HUNK: variants seen among roughly 807,000 people sequenced by gnomAD.
The protein encoded by HUNK is hormonally up-regulated neu tumor-associated kinase.
HUNK carries 21 observed loss-of-function variants against 61.0 expected under a neutral mutation model. The observed-to-expected ratio is 0.34, with a 90% CI of 0.24 to 0.50. The LOEUF (loss-of-function observed/expected upper bound fraction) is 0.50. Ranked by LOEUF, HUNK falls within the 20% of genes least tolerant of loss-of-function variation. The pLI is 0.98. For missense variants in HUNK, 772 were observed against 945.7 expected (o/e 0.82, Z 2.41); for synonymous variants, 371 against 386.1 (o/e 0.96, Z 0.46).
chr21:31,990,193 T>A lies in HUNK; in HGVS notation c.1305+17T>A. The A allele has an allele frequency of 6.2e-7, 1 of 1,609,874 alleles. No individual in the cohort carries two copies. Among genetic ancestry groups the A allele is most frequent in the Non-Finnish European group, 8.5e-7 (1 of 1,176,544 alleles). On this transcript the variant is annotated intron_variant, in intron 9 of 10. Transcript: ENST00000270112. ...GCCGTGCAGGTAAGAACTTGGGGGA[T>A]TATTATGTTAGTCAGGGTTCTCCAG...
Position 31,924,834 on chromosome 21 carries a change from G to A in HUNK, c.554+74G>A. On this transcript the variant is annotated intron_variant, in intron 2 of 10. Coordinates refer to ENST00000270112, the MANE Select transcript of HUNK (RefSeq NM_014586.2). This position sits in a 1 kb window ranked among gnomAD's most constrained non-coding sequence, Gnocchi z 5.1. ...GGCACTGGGCTGTGGCACCCTCTGA[G>A]CCTCTGAGAAAGGCTGAGCAATTGC... The A allele has an allele frequency of 7.7e-7, 1 of 1,290,960 alleles. No homozygotes were observed. Among genetic ancestry groups the A allele is most frequent in the Non-Finnish European group, 1.1e-6 (1 of 936,830 alleles). 80.0% of individuals were successfully genotyped at this position (1,290,960 alleles called of 1,614,324 possible). A position where few individuals can be genotyped will look rare whatever the true frequency, so the allele number is the denominator to read the frequency against.
intron 9 of HUNK, among the ~76,000 whole-genome samples, chr21:31,994,485 T>C (rs2053190389): frequency 6.6e-6 from 1 of 152,244 alleles, no homozygotes; most frequent in South Asian, 2.1e-4. Context: ...CGAGCTCTCT[T>C]GGTTTGCAAA....
rs1218358981 is a variant in HUNK, at chr21:31,947,246, A to G, written c.746+1075A>G. ...TGGCGCCTGCGCATTCCCACATCCC[A>G]GTCTCAAGCCAGTGGCGCCTGCGCA... On this transcript the variant is annotated intron_variant, in intron 4 of 10. Coordinates refer to ENST00000270112, the MANE Select transcript of HUNK (RefSeq NM_014586.2). 6.7e-3 allele frequency among the ~76,000 whole-genome samples: 975 copies of G among 144,484 alleles called. 8 individuals carry two copies. Among genetic ancestry groups the G allele is most frequent in the African/African-American group, 0.024 (917 of 37,470 alleles). The allele number at this position is 144,484 out of a possible 152,430, so 94.8% of individuals were successfully genotyped here.
chr21:31,881,635 GCAA>G (rs767186093), intron 1 of HUNK, among the ~76,000 whole-genome samples: 7 of 151,828 alleles, frequency 4.6e-5, no homozygotes, highest in African/African-American at 1.5e-4. Flanking sequence ...AACAGCAGCA[GCAA>G]CAACAACAAC....
Position 31,999,312 on chromosome 21 carries a change from A to G in HUNK, c.*128A>G. 8.2e-6 allele frequency: 7 copies of G among 856,048 alleles called. No homozygotes were observed. Among genetic ancestry groups the G allele is most frequent in the Non-Finnish European group, 1.1e-5 (6 of 554,260 alleles). 53.0% of individuals were successfully genotyped at this position (856,048 alleles called of 1,614,324 possible). On this transcript the variant is annotated 3_prime_UTR_variant, in exon 11 of 11. Transcript: ENST00000270112. ...CTTAGTCCCACCTGTAGCTGAATCC[A>G]CAGACCCAAAGCCTGCACAACCCAA...
rs78336575 is a variant in HUNK at position 31,943,392 on chromosome 21, A to G, written c.611-2644A>G. Among the ~76,000 whole-genome samples, 1,432 of 152,304 alleles carry G rather than the reference A, an allele frequency of 9.4e-3. 23 individuals carry two copies. The highest frequency in any genetic ancestry group is 0.033 in the African/African-American group (1,379 of 41,564). On this transcript the variant is annotated intron_variant, in intron 3 of 10. Coordinates refer to ENST00000270112, the MANE Select transcript of HUNK (RefSeq NM_014586.2). ...TCATTCTGTAGCTCTCAGAAAATTG[A>G]GTCGTCGTTGGTTGATATATTTACC... is the stretch of plus-strand genomic sequence containing the variant.
At position 31,999,176 on chromosome 21, in the gene HUNK, C is replaced by T. The variant is rs778884120; in HGVS notation, c.2137C>T (p.Gln713Ter). Residue 713 changes from glutamine to a stop codon, truncating the protein, a stop_gained, in exon 11 of 11, where the codon CAG becomes TAG. Coordinates refer to ENST00000270112, the MANE Select transcript of HUNK (RefSeq NM_014586.2). LOFTEE classifies it high-confidence loss of function. Reference protein sequence around the residue: ...AFDMADGVKTQC With the variant: ...AFDMADGVKT ...TGACATGGCCGATGGGGTCAAGACC[C>T]AGTGCTAACTTGGGCCAGCGGGGTT... is the stretch of plus-strand genomic sequence containing the variant. 80 of 1,601,668 alleles carry T rather than the reference C, an allele frequency of 5.0e-5. No individual in the cohort carries two copies. The highest frequency in any genetic ancestry group is 6.7e-5 in the Non-Finnish European group (79 of 1,174,042).
At chr21:31,925,185 G>C (rs1021748744) in intron 2 of HUNK, among the ~76,000 whole-genome samples, 5 of 152,188 alleles carry the variant, frequency 3.3e-5, no homozygotes, top group African/African-American at 1.2e-4. Context: ...AGGGTTAAAA[G>C]AGTAGAATCT....
intron 5 of HUNK, among the ~76,000 whole-genome samples, chr21:31,960,367 T>C (rs1470336305): frequency 6.9e-6 from 1 of 145,666 alleles, no homozygotes; most frequent in Non-Finnish European, 1.5e-5. Flanking sequence ...GACAAGGGGA[T>C]AGAGAGTAAA....
At chr21:31,936,748 T>G (rs1167554510) in intron 2 of HUNK, among the ~76,000 whole-genome samples, 8 of 152,184 alleles carry the variant, frequency 5.3e-5, no homozygotes, top group African/African-American at 1.4e-4. Flanking sequence ...TCTTTTGCAT[T>G]TTCTCTTATT....
intron 4 of HUNK, among the ~76,000 whole-genome samples, chr21:31,953,083 C>T (rs1334340527): frequency 1.3e-5 from 2 of 152,152 alleles, no homozygotes; most frequent in Admixed American, 6.5e-5. Flanking sequence ...CCTTGGTATC[C>T]TCACATACTT....
At chr21:31,980,438 G>A (rs1329632243) in intron 7 of HUNK, among the ~76,000 whole-genome samples, 22 of 149,004 alleles carry the variant, frequency 1.5e-4, no homozygotes, top group African/African-American at 5.2e-4. Flanking sequence ...GTGCAGTGGC[G>A]CGATCTTGGC....
At position 31,999,371 on chromosome 21, in the gene HUNK, G is replaced by A. The variant is rs932656988; in HGVS notation, c.*187G>A. 7.1e-6 allele frequency: 4 copies of A among 564,260 alleles called. No individual in the cohort carries two copies. The highest frequency in any genetic ancestry group is 2.9e-5 in the South Asian group (1 of 34,010). 35.0% of individuals were successfully genotyped at this position (564,260 alleles called of 1,614,324 possible). On this transcript the variant is annotated 3_prime_UTR_variant, in exon 11 of 11. Coordinates refer to ENST00000270112, the MANE Select transcript of HUNK (RefSeq NM_014586.2). ...AGGGACCCCCAGAGATGCTGGAATCGCTAGGAGGGTTGGCTCCAGGGGCAG... is the reference window on the plus strand; with the variant it reads ...AGGGACCCCCAGAGATGCTGGAATCACTAGGAGGGTTGGCTCCAGGGGCAG...
At chr21:31,922,933 G>A (rs181064001) in intron 1 of HUNK, among the ~76,000 whole-genome samples, 35 of 152,274 alleles carry the variant, frequency 2.3e-4, no homozygotes, top group African/African-American at 7.9e-4. Flanking sequence ...TCCTGCACCC[G>A]GAGGCTCCAT....
intron 4 of HUNK, among the ~76,000 whole-genome samples, chr21:31,947,322 G>A (rs8134591): frequency 0.024 from 1,236 of 52,214 alleles, 28 homozygotes; most frequent in African/African-American, 0.061. Flanking sequence ...CCCACATCCC[G>A]GTCTCAAGCC....
intron 1 of HUNK, among the ~76,000 whole-genome samples, chr21:31,922,121 AT>A (rs1162161511): frequency 1.3e-5 from 2 of 151,446 alleles, no homozygotes; most frequent in Admixed American, 1.3e-4. Flanking sequence ...GGTTCAAGCG[AT>A]TCTCCTGCCT....
intron 1 of HUNK, among the ~76,000 whole-genome samples, chr21:31,905,561 G>C (rs892083454): frequency 6.6e-6 from 1 of 152,182 alleles, no homozygotes; most frequent in Non-Finnish European, 1.5e-5. Flanking sequence ...CTCCCACTGA[G>C]CTCCCTGTTA....
intron 1 of HUNK, among the ~76,000 whole-genome samples, chr21:31,894,779 C>A (rs1024772613): frequency 3.3e-5 from 5 of 152,064 alleles, no homozygotes; most frequent in Non-Finnish European, 2.9e-5. Flanking sequence ...GGAAATATAC[C>A]CTTTGCTCTA....
chr21:31,976,330 A>G (rs1325414539), intron 7 of HUNK, among the ~76,000 whole-genome samples: 1 of 151,992 alleles, frequency 6.6e-6, no homozygotes, highest in Non-Finnish European at 1.5e-5. Context: ...TTATATGATG[A>G]GGAGAGATTC....
Sources: gnomAD v4.1 joint callset for allele counts (sites outside exome capture counted in the v4.1 genomes callset) on GRCh38, gnomAD v4.1.1 for gene constraint, Gnocchi (gnomAD v3.1) non-coding constraint, MANE v1.5 for transcripts, NCBI Gene and HGNC (gene_info 2026-07-23, HGNC 2026-07-21) for gene names.